The following RASSF1 variants were observed in gnomAD, a reference collection of about 807,000 sequenced individuals.
RASSF1 encodes the protein Ras association domain family member 1.
RASSF1 carries 33 observed loss-of-function variants against 34.3 expected under a neutral mutation model. That is an observed-to-expected ratio of 0.96 (90% CI 0.73 to 1.29). RASSF1 has a LOEUF of 1.29. RASSF1 is among the 50% of genes most tolerant of loss of function. RASSF1 has a pLI of 0.00. For missense variants in RASSF1, 445 were observed against 471.8 expected (o/e 0.94, Z 0.53); for synonymous variants, 191 against 195.0 (o/e 0.98, Z 0.17).
intron 2 of RASSF1, among the ~76,000 whole-genome samples, chr3:50,332,540 A>G (rs1702985258): frequency 6.6e-6 from 1 of 152,116 alleles, no homozygotes; most frequent in Non-Finnish European, 1.5e-5. Flanking sequence ...CAATCCCAGC[A>G]TTTTGGGAGG....
rs751246285 is a variant in RASSF1 at position 50,331,600 on chromosome 3, C to T, written c.719G>A (p.Arg240His). The stretch of plus-strand genomic sequence containing the variant: ...AGCGCGCTCAAAGAGTGCAAACTTG[C>T]GGGGGTCATCCACCACCAAGAACTT... ...LRKFLVVDDP[R>H]KFALFERAER... is the part of the protein sequence containing the mutation. Residue 240 changes from arginine (R) to histidine (H), a missense_variant, in exon 4 of 6, where the codon CGC (arginine) becomes CAC (histidine). Coordinates refer to ENST00000359365, the MANE Select transcript of RASSF1 (RefSeq NM_007182.5). 1.9e-5 allele frequency: 31 copies of T among 1,602,498 alleles called. No homozygotes were observed. The East Asian group carries it at 2.2e-4, about 12-fold the overall frequency.
At chr3:50,333,675 TCAC>T (rs1277485846) in intron 2 of RASSF1, among the ~76,000 whole-genome samples, 1 of 152,166 alleles carries the variant, frequency 6.6e-6, no homozygotes, top group Non-Finnish European at 1.5e-5. Context: ...AGATGGGATT[TCAC>T]CACATTGGCC....
intron 2 of RASSF1, among the ~76,000 whole-genome samples, chr3:50,332,866 G>A (rs587774774): frequency 1.3e-5 from 2 of 152,180 alleles, no homozygotes; most frequent in Admixed American, 6.5e-5. Context: ...AGGCCGAGGC[G>A]GGTGGATCAC....
At chr3:50,335,732 A>G (rs1703113384) in intron 2 of RASSF1, among the ~76,000 whole-genome samples, 1 of 147,790 alleles carries the variant, frequency 6.8e-6, no homozygotes, top group African/African-American at 2.5e-5. Context: ...CAGTCTCCCA[A>G]GTAGCTGGGA....
intron 1 of RASSF1, chr3:50,338,303 G>C: frequency 2.0e-6 from 2 of 991,286 alleles, no homozygotes; most frequent in Non-Finnish European, 2.5e-6. Context: ...ACAAAAAACT[G>C]CGTCTTGCTT....
chr3:50,338,300 A>G (rs1400683689), intron 1 of RASSF1: 11 of 991,472 alleles, frequency 1.1e-5, no homozygotes, highest in Non-Finnish European at 1.3e-5. Context: ...ACAACAAAAA[A>G]CTGCGTCTTG....
chr3:50,335,319 T>C (rs995365217), intron 2 of RASSF1, among the ~76,000 whole-genome samples: 9 of 144,946 alleles, frequency 6.2e-5, no homozygotes, highest in East Asian at 2.0e-4. Context: ...CTTTCTTTTT[T>C]TTTTTTTTTT....
intron 1 of RASSF1, 187 bp from the exon 2 acceptor site, chr3:50,338,198 G>A (rs2109349002): frequency 2.8e-6 from 4 of 1,415,114 alleles, no homozygotes; most frequent in Non-Finnish European, 2.8e-6. Context: ...GAAACCGGCC[G>A]GAAGGCCACA....
chr3:50,336,037 G>C (rs1038389768), intron 2 of RASSF1, among the ~76,000 whole-genome samples: 3 of 152,182 alleles, frequency 2.0e-5, no homozygotes, highest in Non-Finnish European at 4.4e-5. Flanking sequence ...CAAGTAGCTG[G>C]GATTACAGGT....
At chr3:50,337,272 C>T (rs759597837) in intron 2 of RASSF1, 3 of 1,613,048 alleles carry the variant, frequency 1.9e-6, no homozygotes, top group African/African-American at 2.7e-5. Context: ...CACTGCTCGT[C>T]GTGCTGCTCC....
intron 2 of RASSF1, among the ~76,000 whole-genome samples, chr3:50,335,483 A>AT (rs587654946): frequency 7.9e-4 from 120 of 151,580 alleles, no homozygotes; most frequent in African/African-American, 2.8e-3. Context: ...TGGCCAGATA[A>AT]TTTTTTTGTA....
intron 2 of RASSF1, among the ~76,000 whole-genome samples, chr3:50,334,808 G>T (rs763169974): frequency 6.6e-6 from 1 of 152,178 alleles, no homozygotes; most frequent in African/African-American, 2.4e-5. Flanking sequence ...TTCTAAAGGA[G>T]GAAGAGTTTC....
intron 1 of RASSF1, chr3:50,338,316 G>C: frequency 1.1e-6 from 1 of 871,028 alleles, no homozygotes; most frequent in South Asian, 3.9e-5. Flanking sequence ...TCTTGCTTTT[G>C]TCACCCAGGC....
At chr3:50,333,842 G>C (rs1426133527) in intron 2 of RASSF1, among the ~76,000 whole-genome samples, 1 of 152,182 alleles carries the variant, frequency 6.6e-6, no homozygotes, top group Non-Finnish European at 1.5e-5. Context: ...CTTGCCGGAA[G>C]GGTGGAGTGT....
chr3:50,331,574 C>T lies in RASSF1; in HGVS notation c.745G>A (p.Glu249Lys). ...PRKFALFERA[E>K]RHGQVYLRKL... ...GGAAGCCCACCTTGGCCGTGACGCTCAGCGCGCTCAAAGAGTGCAAACTTG... is the reference window on the plus strand; with the variant it reads ...GGAAGCCCACCTTGGCCGTGACGCTTAGCGCGCTCAAAGAGTGCAAACTTG... The change falls in exon 4 of 6, where the codon GAG (glutamate) becomes AAG (lysine). Residue 249 changes from glutamate (E) to lysine (K), a missense_variant. Physicochemically the swap from Glu to Lys is moderately conservative, Grantham distance 56. Coordinates refer to ENST00000359365, the MANE Select transcript of RASSF1 (RefSeq NM_007182.5). 1 of 1,593,658 alleles carries T rather than the reference C, an allele frequency of 6.3e-7. No homozygotes were observed. Among genetic ancestry groups the T allele is most frequent in the Non-Finnish European group, 8.6e-7 (1 of 1,163,720 alleles).
rs749792559 is a variant in RASSF1 at position 50,331,558 on chromosome 3, C to T, written c.760+1G>A. On this transcript the variant is annotated splice_donor_variant, in intron 4 of 5. Transcript: ENST00000359365. LOFTEE classifies it high-confidence loss of function. ...AGGGCAGGGTGGGGTGGGAAGCCCA[C>T]CTTGGCCGTGACGCTCAGCGCGCTC... The T allele has an allele frequency of 3.2e-6, 5 of 1,586,328 alleles. No homozygotes were observed. The highest frequency in any genetic ancestry group is 1.7e-5 in the Admixed American group (1 of 58,778).
rs1257240215 is a variant in RASSF1, at chr3:50,331,583, CAA to C, written c.734_735del (p.Phe245Ter). Reference protein sequence around the residue: ...VVDDPRKFALFERAERHGQVY... With the variant: ...VVDDPRKFALXERAERHGQVY... ...CCTTGGCCGTGACGCTCAGCGCGCT[CAA>C]AGAGTGCAAACTTGCGGGGGTCATC... is the stretch of plus-strand genomic sequence containing the variant. On this transcript the variant is annotated frameshift_variant, in exon 4 of 6. Coordinates refer to ENST00000359365, the MANE Select transcript of RASSF1 (RefSeq NM_007182.5). LOFTEE classifies it high-confidence loss of function. The C allele has an allele frequency of 8.1e-6, 13 of 1,598,204 alleles. No individual in the cohort carries two copies. The highest frequency in any genetic ancestry group is 1.3e-5 in the African/African-American group (1 of 74,640).
At chr3:50,334,624 G>C (rs1367112466) in intron 2 of RASSF1, among the ~76,000 whole-genome samples, 1 of 152,188 alleles carries the variant, frequency 6.6e-6, no homozygotes, top group African/African-American at 2.4e-5. Flanking sequence ...ATGGCTCTGA[G>C]CTCCTACCTA....
Position 50,330,387 on chromosome 3 carries a change from T to G in RASSF1, c.*194A>C. On this transcript the variant is annotated 3_prime_UTR_variant, in exon 6 of 6. Coordinates refer to ENST00000359365, the MANE Select transcript of RASSF1 (RefSeq NM_007182.5). The surrounding 1 kb of genome is among the most constrained non-coding windows in gnomAD (Gnocchi z 4.5). Reference sequence around the variant, plus strand: ...AGGCCCAGTAATGAGGGCAGAGGGGTGCAGAGCCATACCTGGCTACACCCA... The same window carrying G: ...AGGCCCAGTAATGAGGGCAGAGGGGGGCAGAGCCATACCTGGCTACACCCA... 1.4e-6 allele frequency: 1 copy of G among 740,696 alleles called. No homozygotes were observed. The highest frequency in any genetic ancestry group is 2.1e-6 in the Non-Finnish European group (1 of 466,826). The allele number at this position is 740,696 out of a possible 1,614,324, so 45.9% of individuals were successfully genotyped here. A position where few individuals can be genotyped will look rare whatever the true frequency, so the allele number is the denominator to read the frequency against.
Sources: allele counts gnomAD v4.1 joint callset (sites outside exome capture counted in the v4.1 genomes callset), GRCh38; gene constraint gnomAD v4.1.1; non-coding constraint Gnocchi (gnomAD v3.1); transcripts MANE v1.5; gene names NCBI Gene and HGNC (gene_info 2026-07-23, HGNC 2026-07-21).